KIAA1217: variants seen among roughly 807,000 people sequenced by gnomAD.
KIAA1217 encodes sickle tail protein homolog.
KIAA1217 carries 88 observed loss-of-function variants against 163.9 expected under a neutral mutation model. That is an observed-to-expected ratio of 0.54 (90% confidence interval 0.45 to 0.64). The LOEUF (loss-of-function observed/expected upper bound fraction) is 0.64, where lower values mean the gene tolerates loss of function less well. KIAA1217 is among the 30% of genes least tolerant of loss of function. The pLI is 0.00. For missense variants in KIAA1217, 2,372 were observed against 2,475.0 expected (o/e 0.96, Z 0.88); for synonymous variants, 903 against 923.1 (o/e 0.98, Z 0.39).
At chr10:24,413,337 A>G (rs1390182382) in intron 3 of KIAA1217, among the ~76,000 whole-genome samples, 1 of 152,036 alleles carries the variant, frequency 6.6e-6, no homozygotes, top group Non-Finnish European at 1.5e-5. Context: ...AGGCCCAGCT[A>G]ATTTTTGTAT....
At chr10:24,364,062 T>A (rs1373841064) in intron 2 of KIAA1217, among the ~76,000 whole-genome samples, 3 of 151,082 alleles carry the variant, frequency 2.0e-5, no homozygotes, top group Admixed American at 1.3e-4. Flanking sequence ...CGCCGCAACC[T>A]CCGCCTCCCA....
chr10:23,892,199 G>A (rs1020059031), intron 1 of KIAA1217, among the ~76,000 whole-genome samples: 1 of 151,510 alleles, frequency 6.6e-6, no homozygotes, highest in Admixed American at 6.6e-5. Context: ...TTAAAAGAAG[G>A]GAAAATCATT....
At chr10:23,928,795 A>G (rs186830785) in intron 1 of KIAA1217, among the ~76,000 whole-genome samples, 229 of 152,364 alleles carry the variant, frequency 1.5e-3, no homozygotes, top group South Asian at 9.1e-3. Context: ...AACACAGGCA[A>G]TATGGTTCCA....
At chr10:24,079,890 T>C (rs902107452) in intron 2 of KIAA1217, among the ~76,000 whole-genome samples, 1 of 152,208 alleles carries the variant, frequency 6.6e-6, no homozygotes, top group African/African-American at 2.4e-5. Context: ...GGAGTTGTTG[T>C]TGGTCCTTAA....
chr10:23,877,684 T>C (rs1169923229), intron 1 of KIAA1217, among the ~76,000 whole-genome samples: 1 of 152,020 alleles, frequency 6.6e-6, no homozygotes, highest in East Asian at 1.9e-4. Context: ...CAATTCTCTT[T>C]GATAGCTTCT....
At chr10:23,891,821 G>GA (rs1441282224) in intron 1 of KIAA1217, among the ~76,000 whole-genome samples, 1 of 151,842 alleles carries the variant, frequency 6.6e-6, no homozygotes. Context: ...TTTTAAAAAT[G>GA]AAAAACCACA....
chr10:24,294,409 G>C (rs941562811), intron 2 of KIAA1217, among the ~76,000 whole-genome samples: 6 of 152,062 alleles, frequency 3.9e-5, no homozygotes, highest in Non-Finnish European at 8.8e-5. Flanking sequence ...ACAGACTCCA[G>C]TTTCTTTATG....
chr10:24,164,777 T>C (rs771533558), intron 2 of KIAA1217, among the ~76,000 whole-genome samples: 6 of 152,138 alleles, frequency 3.9e-5, no homozygotes, highest in Non-Finnish European at 7.4e-5. Context: ...CCTCAGGGAT[T>C]CTAGGTGGAA....
chr10:24,402,178 A>C (rs1254471315), intron 3 of KIAA1217, among the ~76,000 whole-genome samples: 1 of 152,138 alleles, frequency 6.6e-6, no homozygotes, highest in East Asian at 1.9e-4. Context: ...TTTTTTTGTA[A>C]ACATAAACAA....
Position 24,227,302 on chromosome 10 carries a change from G to A in KIAA1217, c.354+7393G>A, listed in dbSNP as rs1403868465. Among the ~76,000 whole-genome samples the A allele has an allele frequency of 4.3e-5, 6 of 139,918 alleles. No homozygotes were observed. In the East Asian group the frequency reaches 1.4e-3, roughly 32 times the overall value. The allele number at this position is 139,918 out of a possible 152,430, so 91.8% of individuals were successfully genotyped here. On this transcript the variant is annotated intron_variant, in intron 2 of 20. Transcript: ENST00000376454. ...CCTCCCAAGTAGCTGGGATTACAGG[G>A]GTCCGCCACCACACCCAGCTAATTT...
At chr10:23,738,117 T>C (rs143406288) in intron 1 of KIAA1217, among the ~76,000 whole-genome samples, 2 of 152,310 alleles carry the variant, frequency 1.3e-5, no homozygotes, top group East Asian at 3.9e-4. Flanking sequence ...AGAGGAGATA[T>C]GGAAAAGAAA....
intron 13 of KIAA1217, among the ~76,000 whole-genome samples, chr10:24,525,262 G>A (rs982707836): frequency 6.6e-6 from 1 of 152,182 alleles, no homozygotes; most frequent in Non-Finnish European, 1.5e-5. Context: ...GCACTCCACT[G>A]AGGTGAAGGC....
At chr10:24,365,230 A>G (rs746794799) in intron 2 of KIAA1217, among the ~76,000 whole-genome samples, 5 of 152,172 alleles carry the variant, frequency 3.3e-5, no homozygotes, top group Non-Finnish European at 7.3e-5. Flanking sequence ...GTCACCTAGC[A>G]GAGAGTGGTT....
chr10:24,328,087 G>A (rs1271689681), intron 2 of KIAA1217, among the ~76,000 whole-genome samples: 1 of 152,124 alleles, frequency 6.6e-6, no homozygotes, highest in Non-Finnish European at 1.5e-5. Context: ...CAGGGGTTTG[G>A]TCTAGGTCCT....
chr10:24,034,169 A>G (rs1848298670), intron 2 of KIAA1217, among the ~76,000 whole-genome samples: 2 of 152,208 alleles, frequency 1.3e-5, no homozygotes, highest in Admixed American at 6.5e-5. Flanking sequence ...TAGTTGCCAC[A>G]ACACCTTTTT....
At chr10:24,250,812 G>A (rs1184596669) in intron 2 of KIAA1217, among the ~76,000 whole-genome samples, 1 of 150,144 alleles carries the variant, frequency 6.7e-6, no homozygotes, top group Non-Finnish European at 1.5e-5. Context: ...AGATTGGGCC[G>A]GGTGCAGTGG....
intron 2 of KIAA1217, among the ~76,000 whole-genome samples, chr10:24,079,412 G>A (rs114932317): frequency 0.012 from 1,826 of 152,190 alleles, 36 homozygotes; most frequent in African/African-American, 0.042. Flanking sequence ...TTCTGTCCAC[G>A]CTCTCCTGGT....
At chr10:24,534,887 A>C (rs893021857) in intron 16 of KIAA1217, among the ~76,000 whole-genome samples, 1 of 151,152 alleles carries the variant, frequency 6.6e-6, no homozygotes, top group Admixed American at 6.6e-5. Flanking sequence ...GTCTCAAAAA[A>C]AAAAAAAAAA....
At chr10:24,067,127 C>G (rs1011801590) in intron 2 of KIAA1217, among the ~76,000 whole-genome samples, 4 of 152,154 alleles carry the variant, frequency 2.6e-5, no homozygotes, top group Non-Finnish European at 5.9e-5. Context: ...TCTTCTGAAG[C>G]CTTCCTCTCT....
Sources: allele counts gnomAD v4.1 joint callset (sites outside exome capture counted in the v4.1 genomes callset), GRCh38; gene constraint gnomAD v4.1.1; transcripts MANE v1.5; gene names NCBI Gene and HGNC (gene_info 2026-07-23, HGNC 2026-07-21).